Variants in SYT12 observed in about 807,000 individuals in gnomAD.
SYT12 encodes synaptotagmin 12.
A neutral mutation model predicts 39.5 loss-of-function variants in SYT12; 27 were observed. The ratio of observed to expected loss-of-function variants is 0.68; its 90% CI spans 0.50 to 0.94. The LOEUF is 0.94. Ranked by LOEUF, SYT12 falls within the 40% of genes least tolerant of loss-of-function variation. The pLI, the probability that SYT12 is intolerant of heterozygous loss-of-function variation, is 0.00. For synonymous variants in SYT12, 233 were observed against 239.7 expected (o/e 0.97, Z 0.26); for missense variants, 536 against 572.6 (o/e 0.94, Z 0.65).
At chr11:67,035,749 G>A (rs1427263456) in intron 3 of SYT12, among the ~76,000 whole-genome samples, 14 of 151,494 alleles carry the variant, frequency 9.2e-5, no homozygotes, top group South Asian at 4.2e-4. Context: ...GAGCCACCGC[G>A]CCCGGCCCTT....
upstream of SYT12, among the ~76,000 whole-genome samples, chr11:67,020,800 C>T (rs1440541639): frequency 6.6e-6 from 1 of 152,198 alleles, no homozygotes; most frequent in African/African-American, 2.4e-5. Flanking sequence ...GTGATCTCAG[C>T]TCACTGCAAC....
chr11:67,013,563 G>C (rs547030274), intron 3 of SYT12, among the ~76,000 whole-genome samples: 1 of 151,472 alleles, frequency 6.6e-6, no homozygotes, highest in Non-Finnish European at 1.5e-5. Flanking sequence ...TTCACCCTTC[G>C]AGGCTCCTGG....
intron 1 of SYT12, among the ~76,000 whole-genome samples, chr11:67,024,929 G>A (rs149691168): frequency 9.2e-5 from 14 of 152,300 alleles, no homozygotes; most frequent in Admixed American, 2.6e-4. Flanking sequence ...CTCCCCCGCC[G>A]AGGCACAACA....
At chr11:67,032,855 A>AAATCGTG (rs1950295842) in intron 2 of SYT12, 1 of 152,298 alleles carries the variant, frequency 6.6e-6, no homozygotes, top group African/African-American at 2.4e-5. Flanking sequence ...CAGTGAGCCG[A>AAATCGTG]AATCGTGCCA....
chr11:67,043,796 G>T lies in SYT12; in HGVS notation c.780G>T (p.Val260=). 1 of 1,614,154 alleles carries T rather than the reference G, an allele frequency of 6.2e-7. No individual in the cohort carries two copies. The highest frequency in any genetic ancestry group is 8.5e-7 in the Non-Finnish European group (1 of 1,180,038). The change falls in exon 5 of 8, where the codon GTG becomes GTT. Residue 260 remains valine (V), a synonymous_variant. Transcript: ENST00000527043. ...GGGTGGTGGAGCTGAAGCTTTCTGT[G>T]CTTGACCTCCCGCTGCAGCCCTTCA... is the stretch of plus-strand genomic sequence containing the variant. ...STGVVELKLS[V]LDLPLQPFSG...
At chr11:67,046,448 G>A (rs557952202) in intron 7 of SYT12, among the ~76,000 whole-genome samples, 3 of 152,260 alleles carry the variant, frequency 2.0e-5, no homozygotes, top group South Asian at 4.1e-4. Context: ...AGCCCTCCTC[G>A]GCACTCCTGA....
chr11:67,006,825 GAAA>G (rs1365246914), exon 1 of SYT12: 1 of 152,220 alleles, frequency 6.6e-6, no homozygotes, highest in Non-Finnish European at 1.5e-5. Context: ...GGCAGAGAAG[GAAA>G]AAGGAAGCTG....
chr11:67,008,778 G>A (rs920716091), intron 1 of SYT12, among the ~76,000 whole-genome samples: 1 of 152,150 alleles, frequency 6.6e-6, no homozygotes, highest in Non-Finnish European at 1.5e-5. Context: ...CTGACCTCAT[G>A]TGATCTGCCT....
At chr11:67,046,191 T>A (rs1202850977) in intron 7 of SYT12, among the ~76,000 whole-genome samples, 1 of 152,124 alleles carries the variant, frequency 6.6e-6, no homozygotes, top group African/African-American at 2.4e-5. Flanking sequence ...TGGAGGGAAC[T>A]GCAGAGGGTT....
At position 67,049,530 on chromosome 11, in the gene SYT12, G is replaced by C. The variant is rs1285448468; in HGVS notation, c.*773G>C. On this transcript the variant is annotated 3_prime_UTR_variant, in exon 8 of 8. Transcript: ENST00000527043. ...AGAACCAGAGGTCCAAAGAGGCCCAGACCCAGGTCCTTGTGCTCAGTCCTG... is the reference window on the plus strand; with the variant it reads ...AGAACCAGAGGTCCAAAGAGGCCCACACCCAGGTCCTTGTGCTCAGTCCTG... The C allele has an allele frequency of 1.3e-5, 2 of 152,324 alleles. No homozygotes were observed. The highest frequency in any genetic ancestry group is 2.9e-5 in the Non-Finnish European group (2 of 68,112). The allele number at this position is 152,324 out of a possible 1,614,324, so 9.4% of individuals were successfully genotyped here. A position where few individuals can be genotyped will look rare whatever the true frequency, so the allele number is the denominator to read the frequency against.
At chr11:67,012,851 T>A (rs1950022954) in intron 3 of SYT12, among the ~76,000 whole-genome samples, 1 of 152,194 alleles carries the variant, frequency 6.6e-6, no homozygotes, top group African/African-American at 2.4e-5. Context: ...ACACGTGCTG[T>A]GTCAGAGATT....
At chr11:67,024,923 C>T (rs568413267) in intron 1 of SYT12, among the ~76,000 whole-genome samples, 2 of 152,198 alleles carry the variant, frequency 1.3e-5, no homozygotes, top group Non-Finnish European at 2.9e-5. Context: ...GCCCCTCTCC[C>T]CCGCCGAGGC....
At chr11:67,029,394 C>A (rs919305990) in intron 1 of SYT12, 2 of 152,238 alleles carry the variant, frequency 1.3e-5, no homozygotes, top group African/African-American at 4.8e-5. Flanking sequence ...TACTGCGTCG[C>A]CGCTGGTCAG....
rs1292371855 is a variant in SYT12 at position 67,045,886 on chromosome 11, G to C, written c.1092+9G>C. ...CAGCCATTGTGCTCCAGGTGAGGGG[G>C]GCTGGGGGATGGGAAGGGGCCAGGT... On this transcript the variant is annotated intron_variant, in intron 7 of 7. Transcript: ENST00000527043. 12 of 1,613,884 alleles carry C rather than the reference G, an allele frequency of 7.4e-6. No individual in the cohort carries two copies. In the African/African-American group the frequency reaches 1.5e-4, roughly 20 times the overall value.
chr11:67,020,376 C>A (rs558326185), upstream of SYT12, among the ~76,000 whole-genome samples: 1 of 152,236 alleles, frequency 6.6e-6, no homozygotes, highest in Non-Finnish European at 1.5e-5. Flanking sequence ...GGTCTGTAGG[C>A]CCCAGAAAGG....
At chr11:67,038,542 G>T (rs1565338944) in intron 3 of SYT12, among the ~76,000 whole-genome samples, 1 of 152,122 alleles carries the variant, frequency 6.6e-6, no homozygotes, top group Non-Finnish European at 1.5e-5. Context: ...CCTTGTGGCT[G>T]CTCCATCATC....
intron 3 of SYT12, 51 bp downstream of exon 3, chr11:67,034,889 A>G (rs762578504): frequency 2.1e-6 from 3 of 1,398,924 alleles, no homozygotes; most frequent in Non-Finnish European, 9.4e-7. Context: ...CCATGCCCCT[A>G]CCATCCACTC....
At chr11:67,035,551 G>A (rs1175867506) in intron 3 of SYT12, among the ~76,000 whole-genome samples, 4 of 144,882 alleles carry the variant, frequency 2.8e-5, no homozygotes, top group Non-Finnish European at 4.5e-5. Flanking sequence ...TCCGCCTCCC[G>A]GGTTCACGCC....
At chr11:67,008,627 T>A (rs1314055427) in intron 1 of SYT12, among the ~76,000 whole-genome samples, 1 of 152,074 alleles carries the variant, frequency 6.6e-6, no homozygotes, top group Non-Finnish European at 1.5e-5. Flanking sequence ...CTCGGCTCAC[T>A]GCAACCTCCA....
Sources: allele counts gnomAD v4.1 joint callset (sites outside exome capture counted in the v4.1 genomes callset), GRCh38; gene constraint gnomAD v4.1.1; transcripts MANE v1.5; gene names NCBI Gene and HGNC (gene_info 2026-07-23, HGNC 2026-07-21).